RAD51B: variants seen among roughly 807,000 people sequenced by gnomAD.
RAD51B encodes the protein RAD51 paralog B.
Under a neutral mutation model 42.2 loss-of-function variants are expected in RAD51B, and 38 were observed. That is an observed-to-expected ratio of 0.90 (90% CI 0.70 to 1.18). The LOEUF is 1.18. Ranked by LOEUF, RAD51B falls within the 50% of genes most tolerant of loss-of-function variation. The pLI is 0.00. For missense variants in RAD51B, 373 were observed against 400.7 expected (o/e 0.93, Z 0.59); for synonymous variants, 154 against 145.2 (o/e 1.06, Z -0.43).
At chr14:68,070,713 A>T (rs1840806431) in intron 7 of RAD51B, among the ~76,000 whole-genome samples, 1 of 151,414 alleles carries the variant, frequency 6.6e-6, no homozygotes, top group Admixed American at 6.6e-5. Flanking sequence ...AGGTAGTGTG[A>T]TGCCTCCAGC....
chr14:67,830,745 G>A (rs2041008005), intron 3 of RAD51B, among the ~76,000 whole-genome samples: 1 of 152,184 alleles, frequency 6.6e-6, no homozygotes, highest in South Asian at 2.1e-4. Flanking sequence ...GGCTGAGGTG[G>A]TGGTGAAGTA....
At chr14:68,364,102 G>A (rs916328685) in intron 8 of RAD51B, among the ~76,000 whole-genome samples, 22 of 152,114 alleles carry the variant, frequency 1.4e-4, no homozygotes, top group African/African-American at 4.8e-4. Flanking sequence ...TTCCCGATCC[G>A]CTCATCCTAA....
intron 7 of RAD51B, among the ~76,000 whole-genome samples, chr14:68,239,570 T>A (rs887046423): frequency 3.3e-5 from 5 of 152,126 alleles, no homozygotes; most frequent in African/African-American, 7.2e-5. Flanking sequence ...GACTTTGATA[T>A]GTTTTCTTCA....
chr14:68,550,793 G>A (rs1888514349), intron 10 of RAD51B, among the ~76,000 whole-genome samples: 1 of 152,156 alleles, frequency 6.6e-6, no homozygotes, highest in Non-Finnish European at 1.5e-5. Context: ...TTCTAGAAAG[G>A]CAGGGGTGGG....
intron 7 of RAD51B, among the ~76,000 whole-genome samples, chr14:68,069,866 A>T (rs991909328): frequency 1.3e-5 from 2 of 152,058 alleles, no homozygotes; most frequent in Non-Finnish European, 2.9e-5. Context: ...AAGTCTCCAA[A>T]CTTTCTACAG....
intron 10 of RAD51B, among the ~76,000 whole-genome samples, chr14:68,643,846 A>C (rs1892512780): frequency 1.3e-5 from 2 of 152,264 alleles, no homozygotes; most frequent in African/African-American, 4.8e-5. Context: ...AGAGTTTTGC[A>C]GGTTCCCAGG....
At chr14:68,629,487 G>A (rs980795681) in intron 10 of RAD51B, among the ~76,000 whole-genome samples, 15 of 152,170 alleles carry the variant, frequency 9.9e-5, no homozygotes, top group Admixed American at 7.9e-4. Flanking sequence ...GTGTGTGCTT[G>A]GTCTTAACGT....
intron 7 of RAD51B, among the ~76,000 whole-genome samples, chr14:68,003,330 T>G (rs1020970292): frequency 6.6e-6 from 1 of 152,182 alleles, no homozygotes. Context: ...ATTGCCTGTT[T>G]GTGTATAGGA....
At position 68,635,184 on chromosome 14, in the gene RAD51B, G is replaced by A. The variant is rs369627220; in HGVS notation, c.1037-15597G>A. Among the ~76,000 whole-genome samples, 16 of 152,244 alleles carry A rather than the reference G, an allele frequency of 1.1e-4. No individual in the cohort carries two copies. The East Asian group carries it at 1.4e-3, about 13-fold the overall frequency. On this transcript the variant is annotated intron_variant, in intron 10 of 11. Coordinates refer to the RAD51B transcript ENST00000488612. ...TCAATTTCAAATGAATGGGTGATCC[G>A]ATCCAATAATAGATGAGCCTAACAG... is the stretch of plus-strand genomic sequence containing the variant.
chr14:68,351,416 G>A (rs150792520), intron 8 of RAD51B, among the ~76,000 whole-genome samples: 1 of 151,948 alleles, frequency 6.6e-6, no homozygotes, highest in East Asian at 1.9e-4. Flanking sequence ...ATAATTATTT[G>A]ATGAATGTTT....
intron 7 of RAD51B, among the ~76,000 whole-genome samples, chr14:68,122,267 T>C (rs929224719): frequency 1.3e-5 from 2 of 152,012 alleles, no homozygotes. Context: ...AACAAGAAAA[T>C]CCATTGTAAG....
At chr14:67,989,652 A>G (rs1043050262) in intron 7 of RAD51B, among the ~76,000 whole-genome samples, 63 of 151,070 alleles carry the variant, frequency 4.2e-4, no homozygotes, top group African/African-American at 1.4e-3. Flanking sequence ...AAAAAAAAAA[A>G]AAAAAGAAAG....
chr14:68,469,950 AC>A (rs1371771272), intron 10 of RAD51B, among the ~76,000 whole-genome samples: 1 of 152,234 alleles, frequency 6.6e-6, no homozygotes, highest in African/African-American at 2.4e-5. Context: ...AAGAAGAGTC[AC>A]TGAGTTGCCT....
At chr14:68,617,023 C>CTGT (rs1275070183) in intron 10 of RAD51B, among the ~76,000 whole-genome samples, 6 of 152,026 alleles carry the variant, frequency 3.9e-5, no homozygotes, top group African/African-American at 7.3e-5. Flanking sequence ...ACGTGCCTGT[C>CTGT]TGTTCATTCT....
intron 8 of RAD51B, among the ~76,000 whole-genome samples, chr14:68,348,563 C>T (rs2082718505): frequency 6.6e-6 from 1 of 152,190 alleles, no homozygotes; most frequent in South Asian, 2.1e-4. Context: ...AGGCATAATG[C>T]ATATGTTTGT....
chr14:67,859,762 GA>G (rs1348845530), intron 4 of RAD51B, among the ~76,000 whole-genome samples: 1 of 152,036 alleles, frequency 6.6e-6, no homozygotes, highest in African/African-American at 2.4e-5. Context: ...TAACATTAGG[GA>G]CACACTTGTT....
At chr14:68,386,401 A>T (rs17105515) in intron 8 of RAD51B, among the ~76,000 whole-genome samples, 3,323 of 152,314 alleles carry the variant, frequency 0.022, 56 homozygotes, top group East Asian at 0.048. Context: ...CAAGCCAATG[A>T]CTGATACAGA....
At chr14:68,383,291 A>T (rs1478629524) in intron 8 of RAD51B, among the ~76,000 whole-genome samples, 1 of 152,170 alleles carries the variant, frequency 6.6e-6, no homozygotes, top group Admixed American at 6.5e-5. Flanking sequence ...GTTGTTCTCA[A>T]CCCAGGGTAC....
At chr14:67,948,531 A>G (rs989990054) in intron 7 of RAD51B, among the ~76,000 whole-genome samples, 1 of 152,168 alleles carries the variant, frequency 6.6e-6, no homozygotes, top group African/African-American at 2.4e-5. Flanking sequence ...TAAAGTAACT[A>G]TTGCAATAAT....
Sources: allele counts gnomAD v4.1 joint callset (sites outside exome capture counted in the v4.1 genomes callset), GRCh38; gene constraint gnomAD v4.1.1; transcripts MANE v1.5; gene names NCBI Gene and HGNC (gene_info 2026-07-23, HGNC 2026-07-21).